The following DACT2 variants were observed in gnomAD, a reference collection of about 807,000 sequenced individuals.
DACT2 encodes the protein dishevelled binding antagonist of beta catenin 2.
DACT2 carries 20 observed loss-of-function variants against 22.2 expected under a neutral mutation model. That is an observed-to-expected ratio of 0.90 (90% CI 0.63 to 1.31). The LOEUF is 1.31. Among genes scored for constraint, DACT2 ranks in the 50% most tolerant of loss-of-function variants. The probability of loss-of-function intolerance (pLI) is 0.00; values close to 1 mark genes in which losing one functional copy is unlikely to be tolerated. For synonymous variants in DACT2, 463 were observed against 479.8 expected (o/e 0.96, Z 0.46); for missense variants, 1,048 against 1,061.4 (o/e 0.99, Z 0.18).
intron 4 of DACT2, among the ~76,000 whole-genome samples, chr6:168,294,383 C>G (rs1583287413): frequency 1.3e-5 from 2 of 149,972 alleles, no homozygotes; most frequent in Non-Finnish European, 3.0e-5. Flanking sequence ...AGGTGCAGCC[C>G]GTGGGCGGAG....
chr6:168,293,665 A>G (rs1445113214), exon 6 of DACT2: 2 of 562,996 alleles, frequency 3.6e-6, no homozygotes, highest in Non-Finnish European at 6.4e-6. Flanking sequence ...TCTTACGTCC[A>G]TTACTCCCTC....
In DACT2 at chr6:168,310,283, C is replaced by T. The variant is rs1217396726; in HGVS notation, c.543G>A (p.Glu181=). 5 of 1,551,568 alleles carry T rather than the reference C, an allele frequency of 3.2e-6. No individual in the cohort carries two copies. The highest frequency in any genetic ancestry group is 4.4e-6 in the Non-Finnish European group (5 of 1,146,992). Residue 181 remains glutamate, a synonymous_variant, in exon 3 of 4, where the codon GAG becomes GAA. Coordinates refer to ENST00000366795, the MANE Select transcript of DACT2 (RefSeq NM_214462.5). The stretch of plus-strand genomic sequence containing the variant: ...GGGGTCTCCACGCTGGCACAGTAGT[C>T]TCATCAACCGACCGGGGCCTCCAGT... ...MGDWRPRSVD[E]TTVPAWRPQA...
downstream of DACT2, among the ~76,000 whole-genome samples, chr6:168,305,308 C>T (rs1158201206): frequency 1.3e-5 from 2 of 152,140 alleles, no homozygotes; most frequent in Non-Finnish European, 2.9e-5. Flanking sequence ...CTCCGGGCTG[C>T]AGGTTGGAAG....
intron 3 of DACT2, among the ~76,000 whole-genome samples, chr6:168,301,209 CT>C (rs1443362808): frequency 3.3e-5 from 5 of 152,140 alleles, no homozygotes; most frequent in Non-Finnish European, 7.4e-5. Flanking sequence ...GTGTGGGCCT[CT>C]CTCACAGGCA....
intron 1 of DACT2, 147 bp downstream of exon 1, chr6:168,319,241 G>C: frequency 1.3e-6 from 1 of 794,232 alleles, no homozygotes. Context: ...CCTCCTTGGA[G>C]ACCGAACTGC....
At position 168,308,808 on chromosome 6, in the gene DACT2, T is replaced by A; in HGVS notation, c.949A>T (p.Ile317Phe). 6.4e-7 allele frequency: 1 copy of A among 1,551,462 alleles called. No individual in the cohort carries two copies. The highest frequency in any genetic ancestry group is 1.2e-5 in the South Asian group (1 of 84,058). Residue 317 changes from isoleucine to phenylalanine, a missense_variant, in exon 4 of 4, where the codon ATC becomes TTC. By Grantham distance (21) the Ile-to-Phe change is conservative. Coordinates refer to ENST00000366795, the MANE Select transcript of DACT2 (RefSeq NM_214462.5). The stretch of plus-strand genomic sequence containing the variant: ...GCCTCGAGGACCGGCCCAGTCTGGA[T>A]GGTGTTCAGACCTGCGGGGCCCCTG... Reference protein sequence around the residue: ...SPRGPAGLNTIQTGPVLEAGP... With the variant: ...SPRGPAGLNTFQTGPVLEAGP...
chr6:168,313,275 C>T (rs1779465414), intron 1 of DACT2, among the ~76,000 whole-genome samples: 1 of 152,140 alleles, frequency 6.6e-6, no homozygotes, highest in South Asian at 2.1e-4. Flanking sequence ...GATCTCCTGA[C>T]CTCGTGATCC....
chr6:168,307,781 C>T lies in DACT2; in HGVS notation c.1976G>A (p.Ser659Asn). The change falls in exon 4 of 4, where the codon AGC (serine) becomes AAC (asparagine). Residue 659 changes from serine (S) to asparagine (N), a missense_variant. By Grantham distance (46) the Ser-to-Asn change is conservative. Coordinates refer to ENST00000366795, the MANE Select transcript of DACT2 (RefSeq NM_214462.5). The surrounding 1 kb of genome is among the most constrained non-coding windows in gnomAD (Gnocchi z 5.3). ...SLVRQDAYTR[S>N]DSEPSKHSAE... is the part of the protein sequence containing the mutation. ...CGAGTGCTTGGAGGGCTCTGAGTCGCTCCTGGTGTAGGCGTCCTGGCGGAC... is the reference window on the plus strand; with the variant it reads ...CGAGTGCTTGGAGGGCTCTGAGTCGTTCCTGGTGTAGGCGTCCTGGCGGAC... 1.3e-6 allele frequency: 2 copies of T among 1,545,214 alleles called. No homozygotes were observed. Among genetic ancestry groups the T allele is most frequent in the Non-Finnish European group, 1.7e-6 (2 of 1,146,638 alleles).
rs1470691710 is a variant in DACT2 at position 168,308,733 on chromosome 6, C to T, written c.1024G>A (p.Gly342Ser). 4 of 1,550,930 alleles carry T rather than the reference C, an allele frequency of 2.6e-6. No individual in the cohort carries two copies. The highest frequency in any genetic ancestry group is 2.0e-5 in the Admixed American group (1 of 50,974). Residue 342 changes from glycine to serine, a missense_variant, in exon 4 of 4, where the codon GGC becomes AGC. Physicochemically the swap from Gly to Ser is moderately conservative, Grantham distance 56. Coordinates refer to ENST00000366795, the MANE Select transcript of DACT2 (RefSeq NM_214462.5). ...CTACCCTTTGCTGGGGTCTCCCGGC[C>T]CCACAGATGCAGCAACCTGTCGATA... ...AYIDRLLHLW[G>S]RETPAKGSEG...
rs372246050 is a variant in DACT2, at chr6:168,311,343, C to T, written c.247-59G>A. The T allele has an allele frequency of 2.0e-3, 2,976 of 1,470,996 alleles. 75 individuals carry two copies. In the South Asian group the frequency reaches 0.034, roughly 17 times the overall value. 91.1% of individuals were successfully genotyped at this position (1,470,996 alleles called of 1,614,324 possible). A position where few individuals can be genotyped will look rare whatever the true frequency, so the allele number is the denominator to read the frequency against. On this transcript the variant is annotated intron_variant, in intron 1 of 3. Coordinates refer to ENST00000366795, the MANE Select transcript of DACT2 (RefSeq NM_214462.5). ...TACCTATGGAAAGCAAAACTTAAGG[C>T]TCAAAGGGGTGAAAACATGCATTGT... is the stretch of plus-strand genomic sequence containing the variant.
At chr6:168,311,037 A>G in intron 2 of DACT2, 115 bp downstream of exon 2, 1 of 1,341,322 alleles carries the variant, frequency 7.5e-7, no homozygotes, top group Non-Finnish European at 9.7e-7. Flanking sequence ...CCCTGCACGG[A>G]CACTAGGATA....
chr6:168,309,501 C>T (rs1197480274), intron 3 of DACT2, among the ~76,000 whole-genome samples: 2 of 63,414 alleles, frequency 3.2e-5, no homozygotes, highest in East Asian at 4.4e-3. Context: ...GCCCCCTCAG[C>T]CTGTTCTGAT....
intron 1 of DACT2, among the ~76,000 whole-genome samples, chr6:168,315,924 T>C (rs1436327318): frequency 6.6e-6 from 1 of 152,196 alleles, no homozygotes; most frequent in African/African-American, 2.4e-5. Context: ...AGAACTGCTA[T>C]CACTCCTAAT....
Position 168,307,386 on chromosome 6 carries a change from AG to A in DACT2, c.*45del. On this transcript the variant is annotated 3_prime_UTR_variant, in exon 4 of 4. Coordinates refer to ENST00000366795, the MANE Select transcript of DACT2 (RefSeq NM_214462.5). This position sits in a 1 kb window ranked among gnomAD's most constrained non-coding sequence, Gnocchi z 5.3. ...GACATGCACAGGACACTGCATGGAAAGGGCCCCTGTGTGCAGCAGGCTTCTC... is the reference window on the plus strand; with the variant it reads ...GACATGCACAGGACACTGCATGGAAAGGCCCCTGTGTGCAGCAGGCTTCTC... 3 of 1,546,728 alleles carry A rather than the reference AG, an allele frequency of 1.9e-6. No individual in the cohort carries two copies. The highest frequency in any genetic ancestry group is 2.6e-6 in the Non-Finnish European group (3 of 1,145,022).
At position 168,307,768 on chromosome 6, in the gene DACT2, G is replaced by T; in HGVS notation, c.1989C>A (p.Pro663=). 1 of 1,546,710 alleles carries T rather than the reference G, an allele frequency of 6.5e-7. No individual in the cohort carries two copies. Residue 663 remains proline (P), a synonymous_variant, in exon 4 of 4, where the codon CCC becomes CCA. Coordinates refer to ENST00000366795, the MANE Select transcript of DACT2 (RefSeq NM_214462.5). The surrounding 1 kb of genome is among the most constrained non-coding windows in gnomAD (Gnocchi z 5.3). ...GGTCACACTCGGCCGAGTGCTTGGA[G>T]GGCTCTGAGTCGCTCCTGGTGTAGG... ...QDAYTRSDSE[P]SKHSAECDPR...
At chr6:168,293,224 C>T (rs994237948) in exon 6 of DACT2, 1 of 152,164 alleles carries the variant, frequency 6.6e-6, no homozygotes, top group Admixed American at 6.5e-5. Flanking sequence ...ACACCATAAC[C>T]AAACATTGTT....
intron 2 of DACT2, 103 bp downstream of exon 2, chr6:168,311,049 C>G: frequency 4.3e-6 from 6 of 1,379,386 alleles, no homozygotes; most frequent in Middle Eastern, 2.7e-4. Flanking sequence ...ACTAGGATAC[C>G]TGGAATGGAA....
rs1469287199 is a variant in DACT2, at chr6:168,319,362, C to T, written c.246+26G>A. ...GCCTGTGGCCCGCACACCTCGCAGCCCCGAGTCCCGGCGCCCGGTCCTTAC... is the reference window on the plus strand; with the variant it reads ...GCCTGTGGCCCGCACACCTCGCAGCTCCGAGTCCCGGCGCCCGGTCCTTAC... On this transcript the variant is annotated intron_variant, in intron 1 of 3. Transcript: ENST00000366795. The T allele has an allele frequency of 4.2e-6, 5 of 1,196,178 alleles. No homozygotes were observed. In the African/African-American group the frequency reaches 7.9e-5, roughly 19 times the overall value. The allele number at this position is 1,196,178 out of a possible 1,614,324, so 74.1% of individuals were successfully genotyped here.
chr6:168,305,917 C>T (rs889427429), downstream of DACT2, among the ~76,000 whole-genome samples: 18 of 152,032 alleles, frequency 1.2e-4, no homozygotes, highest in African/African-American at 4.1e-4. Context: ...TGCACACAGA[C>T]GAGCTCAATG....
Sources: allele counts gnomAD v4.1 joint callset (sites outside exome capture counted in the v4.1 genomes callset), GRCh38; gene constraint gnomAD v4.1.1; non-coding constraint Gnocchi (gnomAD v3.1); transcripts MANE v1.5; gene names NCBI Gene and HGNC (gene_info 2026-07-23, HGNC 2026-07-21).